The following EEFSEC variants were observed in gnomAD, a reference collection of about 807,000 sequenced individuals.
The protein encoded by EEFSEC is eukaryotic elongation factor, selenocysteine-tRNA specific, also known as selenocysteine-specific elongation factor.
In EEFSEC, 43 loss-of-function variants were observed where a neutral mutation model predicts 42.1. The observed-to-expected ratio is 1.02, with a 90% confidence interval of 0.80 to 1.32. EEFSEC has a LOEUF of 1.32. Ranked by LOEUF, EEFSEC falls within the 40% of genes most tolerant of loss-of-function variation. The probability of loss-of-function intolerance (pLI) is 0.00; values close to 1 mark genes in which losing one functional copy is unlikely to be tolerated. For synonymous variants in EEFSEC, 354 were observed against 339.1 expected (o/e 1.04, Z -0.48); for missense variants, 745 against 803.6 (o/e 0.93, Z 0.88).
At chr3:128,385,536 G>A (rs112598731) in intron 6 of EEFSEC, among the ~76,000 whole-genome samples, 2 of 152,336 alleles carry the variant, frequency 1.3e-5, no homozygotes, top group African/African-American at 4.8e-5. Context: ...GGCTTGCAGG[G>A]TGTCCTCCCA....
intron 4 of EEFSEC, among the ~76,000 whole-genome samples, chr3:128,326,494 C>T (rs1336244583): frequency 1.3e-5 from 2 of 152,178 alleles, no homozygotes; most frequent in Non-Finnish European, 2.9e-5. Context: ...GTGGGTTGGG[C>T]ATTCTGGCTT....
At chr3:128,424,017 C>T in the EEFSEC span, among the ~76,000 whole-genome samples, 2 of 152,084 alleles carry the variant, frequency 1.3e-5, no homozygotes, top group African/African-American at 4.8e-5. Flanking sequence ...GCGGGAGACA[C>T]AGAAACGACA....
chr3:128,226,343 G>C (rs963316807), intron 1 of EEFSEC, among the ~76,000 whole-genome samples: 2 of 152,218 alleles, frequency 1.3e-5, no homozygotes, highest in African/African-American at 2.4e-5. Context: ...ATGTGCTCTT[G>C]AGAAGATTGG....
At chr3:128,195,117 C>T (rs748566368) in intron 1 of EEFSEC, among the ~76,000 whole-genome samples, 1 of 151,728 alleles carries the variant, frequency 6.6e-6, no homozygotes, top group African/African-American at 2.4e-5. Context: ...ACACGATCTT[C>T]GCCTAAAGTC....
chr3:128,408,366 C>A lies in EEFSEC; in HGVS notation c.*107C>A. ...CCTCTCCCAGTCTCTCCCTGCAGTCCTGCAGCAGCAGCCCCCACCCCCAAG... is the reference window on the plus strand; with the variant it reads ...CCTCTCCCAGTCTCTCCCTGCAGTCATGCAGCAGCAGCCCCCACCCCCAAG... On this transcript the variant is annotated 3_prime_UTR_variant, in exon 7 of 7. Transcript: ENST00000254730. 1.6e-6 allele frequency: 2 copies of A among 1,225,504 alleles called. No homozygotes were observed. Among genetic ancestry groups the A allele is most frequent in the Admixed American group, 2.6e-5 (1 of 39,114 alleles). 75.9% of individuals were successfully genotyped at this position (1,225,504 alleles called of 1,614,324 possible).
In EEFSEC at chr3:128,348,535, T is replaced by C. The variant is rs1314592321; in HGVS notation, c.1443+6646T>C. ...TAACAAATGGAAAACAAGACCAAGA[T>C]TCCAGAGCCTTCTAGTAGCAATAGT... On this transcript the variant is annotated intron_variant, in intron 5 of 6. Transcript: ENST00000254730. 3.9e-5 allele frequency among the ~76,000 whole-genome samples: 6 copies of C among 152,342 alleles called. No individual in the cohort carries two copies. The East Asian group carries it at 1.2e-3, about 29-fold the overall frequency.
intron 1 of EEFSEC, among the ~76,000 whole-genome samples, chr3:128,221,499 GC>G: frequency 6.6e-6 from 1 of 152,294 alleles, no homozygotes; most frequent in Non-Finnish European, 1.5e-5. Context: ...TCAGATGCAG[GC>G]CTCATATCTT....
At chr3:128,164,745 G>A (rs764512797) in intron 1 of EEFSEC, among the ~76,000 whole-genome samples, 1 of 152,188 alleles carries the variant, frequency 6.6e-6, no homozygotes, top group Non-Finnish European at 1.5e-5. Context: ...ATCAGGCCAA[G>A]CTTCCAGAGG....
At chr3:128,296,855 A>G (rs1021309370) in intron 4 of EEFSEC, among the ~76,000 whole-genome samples, 6 of 152,220 alleles carry the variant, frequency 3.9e-5, no homozygotes, top group African/African-American at 1.4e-4. Flanking sequence ...CCCCAGTGGC[A>G]GTCAGGTGGT....
At chr3:128,168,423 G>T (rs73861007) in intron 1 of EEFSEC, among the ~76,000 whole-genome samples, 2 of 152,318 alleles carry the variant, frequency 1.3e-5, no homozygotes, top group African/African-American at 4.8e-5. Context: ...TGAACCTGGG[G>T]CTCCATATAC....
At chr3:128,208,796 T>G (rs1193819750) in intron 1 of EEFSEC, among the ~76,000 whole-genome samples, 1 of 152,170 alleles carries the variant, frequency 6.6e-6, no homozygotes, top group African/African-American at 2.4e-5. Flanking sequence ...ACTGCGACAA[T>G]TCAGGGGTCA....
At chr3:128,164,883 G>A (rs953231110) in intron 1 of EEFSEC, among the ~76,000 whole-genome samples, 4 of 152,124 alleles carry the variant, frequency 2.6e-5, no homozygotes, top group African/African-American at 9.7e-5. Flanking sequence ...AGTGGTCCTA[G>A]GGCCTGTCAT....
At chr3:128,246,737 C>A in intron 1 of EEFSEC, 99 bp from the exon 2 acceptor site, 1 of 1,278,474 alleles carries the variant, frequency 7.8e-7, no homozygotes, top group Non-Finnish European at 1.1e-6. Context: ...TTCCACTTTG[C>A]TCACTTTTAC....
At chr3:128,255,552 G>A (rs1043980010) in intron 2 of EEFSEC, among the ~76,000 whole-genome samples, 1 of 152,190 alleles carries the variant, frequency 6.6e-6, no homozygotes, top group African/African-American at 2.4e-5. Context: ...AGCCCTTTGT[G>A]TATTCATTGT....
intron 1 of EEFSEC, among the ~76,000 whole-genome samples, chr3:128,167,872 A>G (rs1480547070): frequency 6.6e-6 from 1 of 152,200 alleles, no homozygotes; most frequent in Non-Finnish European, 1.5e-5. Context: ...TTTTGCCGGC[A>G]ATCTTCAGCT....
intron 1 of EEFSEC, among the ~76,000 whole-genome samples, chr3:128,212,813 A>T (rs1162251611): frequency 2.0e-5 from 3 of 152,204 alleles, no homozygotes; most frequent in African/African-American, 7.2e-5. Flanking sequence ...GATGAAATGA[A>T]GCAAGCATAA....
intron 1 of EEFSEC, among the ~76,000 whole-genome samples, chr3:128,176,231 A>C (rs1332542027): frequency 1.3e-5 from 2 of 152,038 alleles, no homozygotes; most frequent in East Asian, 3.9e-4. Context: ...GGTCTCTGAT[A>C]CCACGTGTAA....
At chr3:128,363,663 G>A (rs1016111083) in intron 6 of EEFSEC, among the ~76,000 whole-genome samples, 1 of 152,246 alleles carries the variant, frequency 6.6e-6, no homozygotes, top group Non-Finnish European at 1.5e-5. Flanking sequence ...CACCCCCAGG[G>A]CTGCAGGGGC....
intron 4 of EEFSEC, among the ~76,000 whole-genome samples, chr3:128,267,363 T>G (rs2066365556): frequency 6.6e-6 from 1 of 152,196 alleles, no homozygotes; most frequent in South Asian, 2.1e-4. Context: ...AGATACAAAT[T>G]TAATTCTCCT....
Sources: gnomAD v4.1 joint callset for allele counts (sites outside exome capture counted in the v4.1 genomes callset) on GRCh38, gnomAD v4.1.1 for gene constraint, MANE v1.5 for transcripts, NCBI Gene and HGNC (gene_info 2026-07-23, HGNC 2026-07-21) for gene names.